Variants in LRFN2 observed in about 807,000 individuals in gnomAD.
The protein encoded by LRFN2 is leucine-rich repeat and fibronectin type-III domain-containing protein 2.
LRFN2 carries 18 observed loss-of-function variants against 37.3 expected under a neutral mutation model. The ratio of observed to expected loss-of-function variants is 0.48; its 90% CI spans 0.33 to 0.72. The LOEUF (loss-of-function observed/expected upper bound fraction) is 0.72, where lower values mean the gene tolerates loss of function less well. Ranked by LOEUF, LRFN2 falls within the 30% of genes least tolerant of loss-of-function variation. LRFN2 has a pLI of 0.02. For synonymous variants in LRFN2, 556 were observed against 466.6 expected (o/e 1.19, Z -2.47); for missense variants, 1,006 against 1,060.7 (o/e 0.95, Z 0.72).
At chr6:40,492,943 G>A (rs6938342) in intron 1 of LRFN2, among the ~76,000 whole-genome samples, 22,079 of 151,948 alleles carry the variant, frequency 0.15, 3,179 homozygotes, top group African/African-American at 0.37. Flanking sequence ...GAAAACATAT[G>A]TAGGATGCTG....
In LRFN2 at chr6:40,472,904, C is replaced by T. The variant is rs558691645; in HGVS notation, c.-18-39773G>A. ...GAACCTCCCATCTCTGTCTCTCCCA[C>T]CCTGGCATTCACACCCTTCATTCAC... On this transcript the variant is annotated intron_variant, in intron 1 of 2. Transcript: ENST00000338305. Among the ~76,000 whole-genome samples the T allele has an allele frequency of 9.9e-5, 15 of 152,244 alleles. No homozygotes were observed. In the South Asian group the frequency reaches 2.1e-3, roughly 21 times the overall value.
At chr6:40,416,563 G>C (rs1468534358) in intron 2 of LRFN2, among the ~76,000 whole-genome samples, 5 of 152,198 alleles carry the variant, frequency 3.3e-5, no homozygotes, top group Admixed American at 2.6e-4. Context: ...CCATTTTAAA[G>C]ACAGAAGAAC....
chr6:40,470,145 A>G (rs1375509895), intron 1 of LRFN2, among the ~76,000 whole-genome samples: 1 of 152,230 alleles, frequency 6.6e-6, no homozygotes, highest in Non-Finnish European at 1.5e-5. Flanking sequence ...TCCTGCCTGC[A>G]GAACCCCACT....
intron 1 of LRFN2, among the ~76,000 whole-genome samples, chr6:40,476,826 T>G (rs1385907479): frequency 6.6e-6 from 1 of 152,206 alleles, no homozygotes; most frequent in Non-Finnish European, 1.5e-5. Context: ...CGGATGTTGG[T>G]GGCCCAATGG....
chr6:40,439,837 G>C (rs969551999), intron 1 of LRFN2, among the ~76,000 whole-genome samples: 1 of 152,176 alleles, frequency 6.6e-6, no homozygotes, highest in South Asian at 2.1e-4. Flanking sequence ...ACTCTGACAG[G>C]GGAGGCATAG....
chr6:40,490,767 A>G (rs947221690), intron 1 of LRFN2, among the ~76,000 whole-genome samples: 1 of 152,220 alleles, frequency 6.6e-6, no homozygotes, highest in Non-Finnish European at 1.5e-5. Context: ...TCCTGGGCTC[A>G]GAGAATGGGC....
intron 1 of LRFN2, among the ~76,000 whole-genome samples, chr6:40,444,794 C>T (rs1438451413): frequency 6.6e-6 from 1 of 152,122 alleles, no homozygotes; most frequent in East Asian, 1.9e-4. Context: ...GCAGTTCTGT[C>T]CACCCCGCAC....
At chr6:40,419,587 G>C (rs1335303152) in intron 2 of LRFN2, among the ~76,000 whole-genome samples, 3 of 152,310 alleles carry the variant, frequency 2.0e-5, no homozygotes, top group South Asian at 4.1e-4. Flanking sequence ...AGAGTTTGAG[G>C]TTCTTTGTTA....
chr6:40,484,811 G>T (rs1011823297), intron 1 of LRFN2, among the ~76,000 whole-genome samples: 13 of 152,184 alleles, frequency 8.5e-5, no homozygotes, highest in African/African-American at 3.1e-4. Context: ...GGCCCCTCTA[G>T]CCCTCATACA....
chr6:40,534,789 C>A (rs1766419114), intron 1 of LRFN2, among the ~76,000 whole-genome samples: 1 of 152,170 alleles, frequency 6.6e-6, no homozygotes, highest in Non-Finnish European at 1.5e-5. Context: ...AGCCTGTGGT[C>A]TAGAACAGGG....
At position 40,432,897 on chromosome 6, in the gene LRFN2, C is replaced by T. The variant is rs774847419; in HGVS notation, c.217G>A (p.Ala73Thr). The T allele has an allele frequency of 7.4e-6, 12 of 1,614,112 alleles. No homozygotes were observed. Among genetic ancestry groups the T allele is most frequent in the Non-Finnish European group, 8.5e-6 (10 of 1,180,050 alleles). ...FIIHISRQDF[A>T]NMTGLVDLTL... ...AGGTCCACCAGCCCCGTCATGTTGG[C>T]AAAGTCCTGGCGGCTGATGTGGATG... The change falls in exon 2 of 3, where the codon GCC (alanine) becomes ACC (threonine). Residue 73 changes from alanine (A) to threonine (T), a missense_variant. Coordinates refer to ENST00000338305, the MANE Select transcript of LRFN2 (RefSeq NM_020737.3).
chr6:40,394,280 G>A (rs1333643018), intron 2 of LRFN2, among the ~76,000 whole-genome samples: 1 of 152,034 alleles, frequency 6.6e-6, no homozygotes. Context: ...TTCCAGAGAT[G>A]ATGCCTGTGT....
chr6:40,470,842 G>A (rs1320831784), intron 1 of LRFN2, among the ~76,000 whole-genome samples: 1 of 152,204 alleles, frequency 6.6e-6, no homozygotes, highest in Admixed American at 6.5e-5. Flanking sequence ...AACACCAGGG[G>A]TGGGGATGGA....
chr6:40,562,445 G>A (rs1309603327), intron 1 of LRFN2, among the ~76,000 whole-genome samples: 1 of 152,020 alleles, frequency 6.6e-6, no homozygotes, highest in African/African-American at 2.4e-5. Flanking sequence ...GGGGAGGGCA[G>A]GGCAGTGAAG....
intron 1 of LRFN2, among the ~76,000 whole-genome samples, chr6:40,444,313 A>G (rs946939444): frequency 7.9e-5 from 12 of 152,212 alleles, no homozygotes; most frequent in Non-Finnish European, 1.8e-4. Context: ...GAGACAGACG[A>G]GAGAAATTAA....
At chr6:40,486,171 C>T (rs1390929582) in intron 1 of LRFN2, among the ~76,000 whole-genome samples, 1 of 152,166 alleles carries the variant, frequency 6.6e-6, no homozygotes, top group Non-Finnish European at 1.5e-5. Flanking sequence ...GTCTAGAAGG[C>T]CCTCAAGTCA....
At chr6:40,581,748 C>A (rs1447109612) in intron 1 of LRFN2, among the ~76,000 whole-genome samples, 1 of 152,196 alleles carries the variant, frequency 6.6e-6, no homozygotes, top group Non-Finnish European at 1.5e-5. Flanking sequence ...TCACTGCCAT[C>A]ATCCATTGCT....
chr6:40,526,225 TCC>T (rs1766251550), intron 1 of LRFN2, among the ~76,000 whole-genome samples: 1 of 152,224 alleles, frequency 6.6e-6, no homozygotes, highest in Non-Finnish European at 1.5e-5. Context: ...GCCAGCGTGC[TCC>T]GCAGCTAGTC....
At chr6:40,549,038 G>T (rs373574) in intron 1 of LRFN2, among the ~76,000 whole-genome samples, 14,345 of 152,190 alleles carry the variant, frequency 0.094, 795 homozygotes, top group Non-Finnish European at 0.12. Flanking sequence ...ATTGGGATGC[G>T]GAAATAATTG....
Sources: allele counts gnomAD v4.1 joint callset (sites outside exome capture counted in the v4.1 genomes callset), GRCh38; gene constraint gnomAD v4.1.1; transcripts MANE v1.5; gene names NCBI Gene and HGNC (gene_info 2026-07-23, HGNC 2026-07-21).